Variants in ZFHX3 observed in about 807,000 individuals in gnomAD.
The protein encoded by ZFHX3 is zinc finger homeobox 3, also known as zinc finger homeobox protein 3.
Under a neutral mutation model 279.1 loss-of-function variants are expected in ZFHX3, and 42 were observed. That is an observed-to-expected ratio of 0.15 (90% CI 0.12 to 0.19). ZFHX3 has a LOEUF of 0.19. Among genes scored for constraint, ZFHX3 ranks in the 10% least tolerant of loss-of-function variants. The pLI, the probability that ZFHX3 is intolerant of heterozygous loss-of-function variation, is 1.00. For missense variants in ZFHX3, 4,981 were observed against 4,754.0 expected, an observed-to-expected ratio of 1.05 and a Z score of -1.40; for synonymous variants, 2,293 against 1,957.8, an observed-to-expected ratio of 1.17 and a Z score of -4.52.
At chr16:73,617,398 G>A (rs1460735446) in intron 2 of ZFHX3, among the ~76,000 whole-genome samples, 2 of 152,224 alleles carry the variant, frequency 1.3e-5, no homozygotes, top group African/African-American at 2.4e-5. Context: ...ACTGGGGATC[G>A]TGCAGGTACA....
intron 8 of ZFHX3, among the ~76,000 whole-genome samples, chr16:73,082,673 G>A (rs1335095090): frequency 6.6e-6 from 1 of 152,144 alleles, no homozygotes; most frequent in Non-Finnish European, 1.5e-5. Context: ...AGCTCCCTAG[G>A]CACGAGGGAA....
chr16:73,472,702 CAGA>C (rs1265792063), intron 2 of ZFHX3, among the ~76,000 whole-genome samples: 1 of 152,162 alleles, frequency 6.6e-6, no homozygotes, highest in African/African-American at 2.4e-5. Flanking sequence ...TGGGAAGGCC[CAGA>C]AGGAGGTCAG....
chr16:73,701,520 C>T (rs2053246093), intron 1 of ZFHX3, among the ~76,000 whole-genome samples: 1 of 152,194 alleles, frequency 6.6e-6, no homozygotes, highest in South Asian at 2.1e-4. Context: ...TGTTCTGCCA[C>T]TGTAATACAA....
intron 1 of ZFHX3, among the ~76,000 whole-genome samples, chr16:73,725,394 G>A (rs2053509565): frequency 6.6e-6 from 1 of 152,160 alleles, no homozygotes; most frequent in Non-Finnish European, 1.5e-5. Flanking sequence ...TGCATCCCAT[G>A]CCAAAGGAAG....
At chr16:73,507,956 G>C (rs935635280) in intron 2 of ZFHX3, among the ~76,000 whole-genome samples, 2 of 152,204 alleles carry the variant, frequency 1.3e-5, no homozygotes, top group Non-Finnish European at 2.9e-5. Flanking sequence ...CTTAACAAAT[G>C]TTAGGACCAA....
intron 1 of ZFHX3, among the ~76,000 whole-genome samples, chr16:73,728,624 C>T (rs983874357): frequency 2.0e-5 from 3 of 152,062 alleles, no homozygotes; most frequent in Non-Finnish European, 4.4e-5. Flanking sequence ...AACATCTTGG[C>T]TTTGCATTCA....
At chr16:72,828,309 T>C (rs1352892011) in intron 5 of ZFHX3, among the ~76,000 whole-genome samples, 2 of 152,252 alleles carry the variant, frequency 1.3e-5, no homozygotes, top group Admixed American at 6.5e-5. Context: ...TTTCCTCTTA[T>C]TATTTTCTAG....
At chr16:73,085,599 T>G (rs1474019129) in intron 8 of ZFHX3, among the ~76,000 whole-genome samples, 1 of 152,192 alleles carries the variant, frequency 6.6e-6, no homozygotes, top group African/African-American at 2.4e-5. Context: ...GTCTCTTCAA[T>G]AAATGTGACT....
At chr16:73,004,018 T>C (rs1010845319) in intron 1 of ZFHX3, among the ~76,000 whole-genome samples, 11 of 150,942 alleles carry the variant, frequency 7.3e-5, no homozygotes, top group Non-Finnish European at 1.6e-4. Flanking sequence ...AGTAATCAAA[T>C]ACGTTAAAAC....
At chr16:73,429,055 G>A (rs2017863305) in intron 3 of ZFHX3, among the ~76,000 whole-genome samples, 1 of 152,140 alleles carries the variant, frequency 6.6e-6, no homozygotes, top group South Asian at 2.1e-4. Context: ...CATGTCTAGA[G>A]GAAAACCCTT....
At chr16:73,603,484 C>T (rs922084945) in intron 2 of ZFHX3, among the ~76,000 whole-genome samples, 1 of 152,020 alleles carries the variant, frequency 6.6e-6, no homozygotes, top group African/African-American at 2.4e-5. Context: ...TACGAGAATA[C>T]TGAAAGTTGG....
At chr16:72,802,081 A>G (rs1300697321) in intron 7 of ZFHX3, among the ~76,000 whole-genome samples, 1 of 152,186 alleles carries the variant, frequency 6.6e-6, no homozygotes, top group African/African-American at 2.4e-5. Flanking sequence ...GCTGCACATC[A>G]TTATAGAAAA....
intron 3 of ZFHX3, 81 bp from the exon 4 acceptor site, chr16:72,890,043 C>G (rs2038731285): frequency 3.4e-5 from 45 of 1,313,132 alleles, no homozygotes; most frequent in Non-Finnish European, 4.5e-5. Flanking sequence ...CCATCCTGGT[C>G]ACAGCCAGAG....
intron 2 of ZFHX3, among the ~76,000 whole-genome samples, chr16:73,498,540 T>C (rs1022920631): frequency 7.9e-5 from 12 of 152,238 alleles, no homozygotes; most frequent in Non-Finnish European, 1.3e-4. Flanking sequence ...AATTTCTTTA[T>C]GGAAAAGCGA....
At chr16:73,297,625 G>C (rs1325560241) in intron 4 of ZFHX3, among the ~76,000 whole-genome samples, 1 of 151,962 alleles carries the variant, frequency 6.6e-6, no homozygotes, top group African/African-American at 2.4e-5. Context: ...GACACATGTA[G>C]CCCTGATACC....
At position 72,795,263 on chromosome 16, in the gene ZFHX3, C is replaced by T. The variant is rs750558137; in HGVS notation, c.7419G>A (p.Gln2473=). The T allele has an allele frequency of 5.6e-6, 9 of 1,612,458 alleles. No homozygotes were observed. In the East Asian group the frequency reaches 2.0e-4, roughly 36 times the overall value. Residue 2473 remains glutamine (Q), a synonymous_variant, in exon 9 of 10, where the codon CAG becomes CAA. Transcript: ENST00000268489. ...KTNTPQQKLP[Q]LVSLPSLPQP... is the part of the protein sequence containing the mutation. Reference sequence around the variant, plus strand: ...GTGGCAACGAAGGCAGGGACACCAGCTGGGGGAGCTTCTGCTGGGGAGTGT... The same window carrying T: ...GTGGCAACGAAGGCAGGGACACCAGTTGGGGGAGCTTCTGCTGGGGAGTGT...
intron 4 of ZFHX3, among the ~76,000 whole-genome samples, chr16:73,314,795 T>G (rs1172492998): frequency 6.6e-6 from 1 of 152,250 alleles, no homozygotes; most frequent in African/African-American, 2.4e-5. Flanking sequence ...CAACAACTTT[T>G]CTTCCTCCTG....
At chr16:73,237,002 G>A (rs959223539) in intron 5 of ZFHX3, among the ~76,000 whole-genome samples, 5 of 152,018 alleles carry the variant, frequency 3.3e-5, no homozygotes, top group Admixed American at 6.6e-5. Context: ...CAATTTCCAC[G>A]GTGCTCTTCA....
chr16:73,846,604 G>A (rs1961454493), intron 1 of ZFHX3, among the ~76,000 whole-genome samples: 1 of 152,182 alleles, frequency 6.6e-6, no homozygotes, highest in Non-Finnish European at 1.5e-5. Context: ...AAATATGCAT[G>A]AATAAGCACA....
Sources: gnomAD v4.1 joint callset for allele counts (sites outside exome capture counted in the v4.1 genomes callset) on GRCh38, gnomAD v4.1.1 for gene constraint, MANE v1.5 for transcripts, NCBI Gene and HGNC (gene_info 2026-07-23, HGNC 2026-07-21) for gene names.